MTPN: variants seen among roughly 807,000 people sequenced by gnomAD.
The protein encoded by MTPN is granule cell differentiation protein.
A neutral mutation model predicts 13.5 loss-of-function variants in MTPN; 2 were observed. The ratio of observed to expected loss-of-function variants is 0.15; its 90% CI spans 0.06 to 0.47. The LOEUF (loss-of-function observed/expected upper bound fraction) is 0.47. Ranked by LOEUF, MTPN falls within the 20% of genes least tolerant of loss-of-function variation. MTPN has a pLI of 0.97. For synonymous variants in MTPN, 46 were observed against 51.7 expected (o/e 0.89, Z 0.48); for missense variants, 79 against 137.9 (o/e 0.57, Z 2.14).
At chr7:135,962,137 C>A (rs1467896601) in intron 1 of MTPN, among the ~76,000 whole-genome samples, 1 of 151,790 alleles carries the variant, frequency 6.6e-6, no homozygotes, top group Non-Finnish European at 1.5e-5. Flanking sequence ...ATAATTATAA[C>A]AGAACAAAGA....
chr7:135,951,877 G>T (rs922461911), intron 1 of MTPN, among the ~76,000 whole-genome samples: 1 of 152,078 alleles, frequency 6.6e-6, no homozygotes, highest in East Asian at 1.9e-4. Context: ...TAAATATAAC[G>T]AAATACATTA....
chr7:135,947,574 A>G (rs924080383), intron 3 of MTPN, among the ~76,000 whole-genome samples: 1 of 152,160 alleles, frequency 6.6e-6, no homozygotes, highest in Admixed American at 6.6e-5. Flanking sequence ...CAGCTTGCCA[A>G]TTAAAAATGA....
intron 3 of MTPN, among the ~76,000 whole-genome samples, chr7:135,939,190 T>C (rs1037837543): frequency 1.3e-5 from 2 of 152,192 alleles, no homozygotes; most frequent in Non-Finnish European, 2.9e-5. Context: ...TGATATTAAA[T>C]GTCTCATGAA....
chr7:135,977,119 C>G lies in MTPN; in HGVS notation c.-19G>C. 1 of 1,613,856 alleles carries G rather than the reference C, an allele frequency of 6.2e-7. No homozygotes were observed. Among genetic ancestry groups the G allele is most frequent in the Non-Finnish European group, 8.5e-7 (1 of 1,179,904 alleles). ...CGCACATCACTGCAGCGGGGCAGGC[C>G]GGTTGGCCGGGCAGAAGATGAGGAG... On this transcript the variant is annotated 5_prime_UTR_variant, in exon 1 of 4. Transcript: ENST00000393085.
At chr7:135,933,671 G>A (rs1006952653) in intron 3 of MTPN, among the ~76,000 whole-genome samples, 1 of 152,060 alleles carries the variant, frequency 6.6e-6, no homozygotes, top group African/African-American at 2.4e-5. Flanking sequence ...GCAACCCTAT[G>A]CAATCCTCAC....
rs1799788818 is a variant in MTPN, at chr7:135,977,085, A to G, written c.16T>C (p.Phe6Leu). ...TCTCCGTTTTTCAGGGCCCACATGA[A>G]CTCCTTGTCGCACATCACTGCAGCG... MCDKEFMWALKNGDLD... is the reference protein window; with the variant it reads MCDKELMWALKNGDLD... The change falls in exon 1 of 4, where the codon TTC becomes CTC. Residue 6 changes from phenylalanine to leucine, a missense_variant. By Grantham distance (22) the Phe-to-Leu change is conservative. Coordinates refer to ENST00000393085, the MANE Select transcript of MTPN (RefSeq NM_145808.4). 1 of 1,613,350 alleles carries G rather than the reference A, an allele frequency of 6.2e-7. No homozygotes were observed. The highest frequency in any genetic ancestry group is 1.3e-5 in the African/African-American group (1 of 74,658).
rs1798952564 is a variant in MTPN at position 135,928,029 on chromosome 7, T to C, written c.*1897A>G. The C allele has an allele frequency of 7.7e-6, 2 of 258,986 alleles. No individual in the cohort carries two copies. The highest frequency in any genetic ancestry group is 4.7e-5 in the African/African-American group (2 of 42,748). The allele number at this position is 258,986 out of a possible 1,614,324, so 16.0% of individuals were successfully genotyped here. On this transcript the variant is annotated 3_prime_UTR_variant, in exon 4 of 4. Coordinates refer to ENST00000393085, the MANE Select transcript of MTPN (RefSeq NM_145808.4). ...TATCAAAACACCCTGTTGCACTACG[T>C]TGATAGTTATAGACTGATAGAGTGC...
chr7:135,977,118 C>G lies in MTPN; in HGVS notation c.-18G>C, dbSNP rs778600410. On this transcript the variant is annotated 5_prime_UTR_variant, in exon 1 of 4. Coordinates refer to ENST00000393085, the MANE Select transcript of MTPN (RefSeq NM_145808.4). ...TCGCACATCACTGCAGCGGGGCAGG[C>G]CGGTTGGCCGGGCAGAAGATGAGGA... 2.5e-6 allele frequency: 4 copies of G among 1,613,888 alleles called. No individual in the cohort carries two copies. Among genetic ancestry groups the G allele is most frequent in the Non-Finnish European group, 3.4e-6 (4 of 1,179,922 alleles).
intron 1 of MTPN, among the ~76,000 whole-genome samples, chr7:135,973,200 G>A (rs1799721822): frequency 6.7e-6 from 1 of 148,882 alleles, no homozygotes; most frequent in Non-Finnish European, 1.5e-5. Context: ...AACTGACCAG[G>A]AAGGGGTCAA....
intron 1 of MTPN, among the ~76,000 whole-genome samples, chr7:135,956,076 C>T (rs572381953): frequency 6.6e-6 from 1 of 152,138 alleles, no homozygotes; most frequent in Non-Finnish European, 1.5e-5. Flanking sequence ...AAAAGGCATC[C>T]ATTTCGAAAA....
Position 135,927,360 on chromosome 7 carries a change from G to A in MTPN, c.*2566C>T, listed in dbSNP as rs775321523. On this transcript the variant is annotated 3_prime_UTR_variant, in exon 4 of 4. Transcript: ENST00000393085. The stretch of plus-strand genomic sequence containing the variant: ...ATAAGCCTATAGATAACAGTCTGAA[G>A]CTGCAAGGGAGACTTTGTTAGTACA... 11 of 1,550,756 alleles carry A rather than the reference G, an allele frequency of 7.1e-6. No homozygotes were observed. Among genetic ancestry groups the A allele is most frequent in the Non-Finnish European group, 7.9e-6 (9 of 1,146,224 alleles).
At chr7:135,952,126 T>A (rs1456841206) in intron 1 of MTPN, among the ~76,000 whole-genome samples, 1 of 152,200 alleles carries the variant, frequency 6.6e-6, no homozygotes, top group East Asian at 1.9e-4. Context: ...GCAGGCACTG[T>A]GCTAGACAGT....
rs1798989180 is a variant in MTPN, at chr7:135,929,854, TGACA to T, written c.*68_*71del. 7 of 1,412,358 alleles carry T rather than the reference TGACA, an allele frequency of 5.0e-6. No individual in the cohort carries two copies. Among genetic ancestry groups the T allele is most frequent in the Admixed American group, 1.7e-5 (1 of 59,602 alleles). 87.5% of individuals were successfully genotyped at this position (1,412,358 alleles called of 1,614,324 possible). ...GCTGAAGAAGCTGGCAGATAGAGAG[TGACA>T]GACAGACAGGCAGCAGTGTGAGGCC... On this transcript the variant is annotated 3_prime_UTR_variant, in exon 4 of 4. Coordinates refer to ENST00000393085, the MANE Select transcript of MTPN (RefSeq NM_145808.4).
intron 1 of MTPN, among the ~76,000 whole-genome samples, chr7:135,972,261 C>CACACACACACACACACA (rs35026808): frequency 3.3e-5 from 3 of 90,766 alleles, no homozygotes; most frequent in African/African-American, 7.8e-5. Flanking sequence ...ACACACACAC[C>CACACACACACACACACA]CCATGTAGAT....
chr7:135,955,637 C>A (rs1455519820), intron 1 of MTPN, among the ~76,000 whole-genome samples: 2 of 152,000 alleles, frequency 1.3e-5, no homozygotes, highest in African/African-American at 4.8e-5. Flanking sequence ...ATACTGTATG[C>A]CAATATTCCT....
At chr7:135,930,974 C>T (rs1213548903) in intron 3 of MTPN, among the ~76,000 whole-genome samples, 1 of 152,082 alleles carries the variant, frequency 6.6e-6, no homozygotes, top group Non-Finnish European at 1.5e-5. Flanking sequence ...AAACTTGGCA[C>T]ATATGGTCCT....
intron 3 of MTPN, among the ~76,000 whole-genome samples, 191 bp downstream of exon 3, chr7:135,950,408 A>C (rs1044379328): frequency 2.6e-5 from 4 of 152,194 alleles, no homozygotes; most frequent in Non-Finnish European, 5.9e-5. Context: ...ATATTCACCC[A>C]AGCTCCTTAC....
In MTPN at chr7:135,977,170, G is replaced by C; in HGVS notation, c.-70C>G. 1 of 1,517,622 alleles carries C rather than the reference G, an allele frequency of 6.6e-7. No homozygotes were observed. The highest frequency in any genetic ancestry group is 9.1e-7 in the Non-Finnish European group (1 of 1,094,958). The allele number at this position is 1,517,622 out of a possible 1,614,324, so 94.0% of individuals were successfully genotyped here. A position where few individuals can be genotyped will look rare whatever the true frequency, so the allele number is the denominator to read the frequency against. On this transcript the variant is annotated 5_prime_UTR_variant, in exon 1 of 4. Coordinates refer to ENST00000393085, the MANE Select transcript of MTPN (RefSeq NM_145808.4). ...GCGGTGGCAGCAGCAAGCGGATGCC[G>C]CCGGGCGAGAGGGAGGCAGGGCCGC...
chr7:135,942,418 G>A lies in MTPN; in HGVS notation c.270+8181C>T, dbSNP rs144735352. Among the ~76,000 whole-genome samples, 352 of 152,204 alleles carry A rather than the reference G, an allele frequency of 2.3e-3. 3 individuals carry two copies. Among genetic ancestry groups the A allele is most frequent in the Non-Finnish European group, 4.0e-3 (271 of 68,010 alleles). On this transcript the variant is annotated intron_variant, in intron 3 of 3. Transcript: ENST00000393085. The stretch of plus-strand genomic sequence containing the variant: ...GTGGCTTATACACATTATCTCACTT[G>A]AGTACTTGGCTATACTGAGAGGCAG...
Sources: gnomAD v4.1 joint callset for allele counts (sites outside exome capture counted in the v4.1 genomes callset) on GRCh38, gnomAD v4.1.1 for gene constraint, MANE v1.5 for transcripts, NCBI Gene and HGNC (gene_info 2026-07-23, HGNC 2026-07-21) for gene names.